DYNC1I2: variants seen among roughly 807,000 people sequenced by gnomAD.
DYNC1I2 encodes the protein dynein cytoplasmic 1 intermediate chain 2.
A neutral mutation model predicts 88.6 loss-of-function variants in DYNC1I2; 53 were observed. The ratio of observed to expected loss-of-function variants is 0.60; its 90% confidence interval spans 0.48 to 0.75. The LOEUF is 0.75. Among genes scored for constraint, DYNC1I2 ranks in the 30% least tolerant of loss-of-function variants. The probability of loss-of-function intolerance (pLI) is 0.00; values close to 1 mark genes in which losing one functional copy is unlikely to be tolerated. For synonymous variants in DYNC1I2, 198 were observed against 254.6 expected (o/e 0.78, Z 2.12); for missense variants, 458 against 766.6 (o/e 0.60, Z 4.75).
Position 171,721,760 on chromosome 2 carries a change from T to C in DYNC1I2, c.512-3858T>C, listed in dbSNP as rs563233986. Among the ~76,000 whole-genome samples the C allele has an allele frequency of 2.6e-5, 4 of 152,158 alleles. 1 individual carries two copies. Among genetic ancestry groups the C allele is most frequent in the South Asian group, 4.1e-4 (2 of 4,828 alleles). On this transcript the variant is annotated intron_variant, in intron 7 of 17. Transcript: ENST00000397119. ...GGATTTTTCATAGGATATTAAGTTA[T>C]CTTAAAATGGGATGCACCAGTACAA...
chr2:171,715,739 T>C (rs542668851), intron 7 of DYNC1I2, among the ~76,000 whole-genome samples: 1 of 152,296 alleles, frequency 6.6e-6, no homozygotes, highest in African/African-American at 2.4e-5. Flanking sequence ...ATACTGCTTT[T>C]AGAAGCCAAA....
chr2:171,702,969 C>T (rs1461807896), intron 3 of DYNC1I2, among the ~76,000 whole-genome samples: 1 of 152,210 alleles, frequency 6.6e-6, no homozygotes, highest in Admixed American at 6.5e-5. Context: ...AAGCGATCCT[C>T]CTGCCTTGAC....
chr2:171,687,884 T>A (rs1226569744), intron 1 of DYNC1I2: 1 of 152,324 alleles, frequency 6.6e-6, no homozygotes, highest in Non-Finnish European at 1.5e-5. Context: ...GTGGGTTGAC[T>A]GTTCTTCCCT....
At chr2:171,741,160 A>G (rs977277413) in intron 15 of DYNC1I2, among the ~76,000 whole-genome samples, 3 of 152,198 alleles carry the variant, frequency 2.0e-5, no homozygotes, top group Non-Finnish European at 2.9e-5. Context: ...TTATAGCTGA[A>G]TGATACCCCA....
chr2:171,745,136 A>G (rs1199708939), intron 16 of DYNC1I2, among the ~76,000 whole-genome samples: 1 of 152,210 alleles, frequency 6.6e-6, no homozygotes, highest in Non-Finnish European at 1.5e-5. Flanking sequence ...AAATTTTATC[A>G]TACTTTTAGT....
At chr2:171,739,723 T>C (rs1033745942) in intron 15 of DYNC1I2, among the ~76,000 whole-genome samples, 1 of 110,614 alleles carries the variant, frequency 9.0e-6, no homozygotes, top group African/African-American at 3.2e-5. Flanking sequence ...TTTTTTTTTT[T>C]GAGACCGAAT....
intron 7 of DYNC1I2, among the ~76,000 whole-genome samples, chr2:171,721,999 G>A (rs957946200): frequency 2.6e-5 from 4 of 152,014 alleles, no homozygotes; most frequent in Non-Finnish European, 5.9e-5. Context: ...AGTATGCTTT[G>A]TGGCATACTC....
intron 3 of DYNC1I2, among the ~76,000 whole-genome samples, chr2:171,693,662 T>C (rs1685549861): frequency 6.6e-6 from 1 of 152,242 alleles, no homozygotes; most frequent in Non-Finnish European, 1.5e-5. Flanking sequence ...TGCTCTATGC[T>C]TGTTGTGAAA....
intron 5 of DYNC1I2, 39 bp downstream of exon 5, chr2:171,707,416 G>A: frequency 6.4e-7 from 1 of 1,569,104 alleles, no homozygotes; most frequent in Admixed American, 1.8e-5. Flanking sequence ...ATGATAGAAT[G>A]CATTCAGTGC....
At chr2:171,726,492 C>G (rs1284828548) in intron 10 of DYNC1I2, 199 bp downstream of exon 10, 1 of 564,260 alleles carries the variant, frequency 1.8e-6, no homozygotes, top group Non-Finnish European at 2.9e-6. Flanking sequence ...ATTTAAAATT[C>G]AGGACTTTAT....
At chr2:171,692,725 A>G (rs567351877) in intron 2 of DYNC1I2, 52 bp from the exon 3 acceptor site, 177 of 1,365,934 alleles carry the variant, frequency 1.3e-4, no homozygotes, top group Middle Eastern at 2.6e-4. Flanking sequence ...ATTTTTGCAA[A>G]CAAATTTTTC....
Position 171,703,896 on chromosome 2 carries a change from C to T in DYNC1I2, c.227-2651C>T, listed in dbSNP as rs1487555135. Among the ~76,000 whole-genome samples, 3 of 152,248 alleles carry T rather than the reference C, an allele frequency of 2.0e-5. No individual in the cohort carries two copies. In the East Asian group the frequency reaches 5.8e-4, roughly 29 times the overall value. ...TTCACAACTTTGGGTTCCACGCATC[C>T]CAAAAGCTCACTCCTTCCATTTCAC... On this transcript the variant is annotated intron_variant, in intron 3 of 17. Coordinates refer to ENST00000397119, the MANE Select transcript of DYNC1I2 (RefSeq NM_001378.3).
At chr2:171,717,335 G>C (rs939716211) in intron 7 of DYNC1I2, among the ~76,000 whole-genome samples, 1 of 151,816 alleles carries the variant, frequency 6.6e-6, no homozygotes, top group Non-Finnish European at 1.5e-5. Context: ...GGCTGGTCTC[G>C]AACTCTTGAC....
At chr2:171,714,557 A>G (rs1353402410) in intron 6 of DYNC1I2, among the ~76,000 whole-genome samples, 1 of 152,158 alleles carries the variant, frequency 6.6e-6, no homozygotes, top group Non-Finnish European at 1.5e-5. Context: ...AAGATCTCCC[A>G]GATAGCTAAT....
intron 3 of DYNC1I2, among the ~76,000 whole-genome samples, chr2:171,697,123 C>A (rs1055106648): frequency 5.9e-5 from 9 of 152,114 alleles, no homozygotes; most frequent in Admixed American, 5.9e-4. Flanking sequence ...ACCTCAGCCT[C>A]CCAAGTAGCT....
intron 7 of DYNC1I2, among the ~76,000 whole-genome samples, chr2:171,717,570 G>A (rs907050751): frequency 6.6e-6 from 1 of 152,032 alleles, no homozygotes; most frequent in South Asian, 2.1e-4. Context: ...TGAGACACAA[G>A]CAACTTTTTT....
At chr2:171,690,353 A>G in intron 2 of DYNC1I2, 90 bp downstream of exon 2, 1 of 929,074 alleles carries the variant, frequency 1.1e-6, no homozygotes, top group Non-Finnish European at 1.6e-6. Flanking sequence ...GTTGGTGCAA[A>G]AGTAATCGTG....
intron 7 of DYNC1I2, among the ~76,000 whole-genome samples, chr2:171,720,611 G>A (rs1483312564): frequency 6.6e-6 from 1 of 152,164 alleles, no homozygotes; most frequent in African/African-American, 2.4e-5. Context: ...TCACATACTT[G>A]TAATCCCAAC....
intron 17 of DYNC1I2, 112 bp from the exon 18 acceptor site, chr2:171,747,664 C>A: frequency 3.1e-6 from 2 of 654,204 alleles, no homozygotes; most frequent in Non-Finnish European, 2.6e-6. Flanking sequence ...AAAGGCCATT[C>A]AGGTCAATTA....
Sources: gnomAD v4.1 joint callset for allele counts (sites outside exome capture counted in the v4.1 genomes callset) on GRCh38, gnomAD v4.1.1 for gene constraint, MANE v1.5 for transcripts, NCBI Gene and HGNC (gene_info 2026-07-23, HGNC 2026-07-21) for gene names.